The following TMEM131L variants were observed in gnomAD, a reference collection of about 807,000 sequenced individuals.
The protein encoded by TMEM131L is transmembrane 131 like.
TMEM131L carries 54 observed loss-of-function variants against 192.2 expected under a neutral mutation model. The ratio of observed to expected loss-of-function variants is 0.28; its 90% CI spans 0.23 to 0.35. TMEM131L has a LOEUF of 0.35. Among genes scored for constraint, TMEM131L ranks in the 10% least tolerant of loss-of-function variants. The pLI, the probability that TMEM131L is intolerant of heterozygous loss-of-function variation, is 1.00. For missense variants in TMEM131L, 1,888 were observed against 1,972.9 expected (o/e 0.96, Z 0.82); for synonymous variants, 701 against 704.9 (o/e 0.99, Z 0.09).
At chr4:153,505,910 G>A (rs1379434180) in intron 3 of TMEM131L, among the ~76,000 whole-genome samples, 1 of 152,054 alleles carries the variant, frequency 6.6e-6, no homozygotes, top group Non-Finnish European at 1.5e-5. Flanking sequence ...CCTGGCCAGA[G>A]CAGGGGGCTT....
intron 3 of TMEM131L, among the ~76,000 whole-genome samples, chr4:153,495,332 A>G (rs1179594410): frequency 6.6e-6 from 1 of 152,146 alleles, no homozygotes; most frequent in African/African-American, 2.4e-5. Context: ...AACAAAAAAA[A>G]AAAACAAGTA....
Position 153,620,784 on chromosome 4 carries a change from T to C in TMEM131L, c.3596T>C (p.Leu1199Pro). 6.4e-7 allele frequency: 1 copy of C among 1,564,690 alleles called. No individual in the cohort carries two copies. Among genetic ancestry groups the C allele is most frequent in the South Asian group, 1.2e-5 (1 of 86,426 alleles). ...EQEDPYRKKK[L>P]QEKREGNLQN... ...GAAGATCCTTATAGGAAGAAAAAGC[T>C]TCAGGAGAAAAGAGAAGGAAATTTA... Residue 1199 changes from leucine to proline, a missense_variant, in exon 27 of 35, where the codon CTT becomes CCT. By Grantham distance (98) the Leu-to-Pro change is moderately conservative. Transcript: ENST00000409959.
chr4:153,526,217 A>C (rs1446594538), intron 3 of TMEM131L, among the ~76,000 whole-genome samples: 2 of 152,190 alleles, frequency 1.3e-5, no homozygotes, highest in African/African-American at 4.8e-5. Context: ...TGTGGATCAT[A>C]GTTTGAGTAG....
At chr4:153,539,492 ATTTTTTTTTTTTT>A (rs750436196) in intron 3 of TMEM131L, among the ~76,000 whole-genome samples, 8 of 110,822 alleles carry the variant, frequency 7.2e-5, no homozygotes, top group African/African-American at 2.7e-4. Flanking sequence ...CAGAGGCTAG[ATTTTTTTTTTTTT>A]TTTTTTTTTT....
intron 7 of TMEM131L, among the ~76,000 whole-genome samples, chr4:153,579,005 C>T (rs1730157609): frequency 6.6e-6 from 1 of 151,870 alleles, no homozygotes; most frequent in Non-Finnish European, 1.5e-5. Context: ...AATTAAAAAT[C>T]AGTTTCAGAA....
chr4:153,543,610 T>C (rs1175870547), intron 3 of TMEM131L, among the ~76,000 whole-genome samples: 1 of 152,172 alleles, frequency 6.6e-6, no homozygotes. Context: ...CTGGGACTTT[T>C]TATATCTGTG....
chr4:153,588,041 G>GTT (rs60174380), intron 15 of TMEM131L, among the ~76,000 whole-genome samples: 15 of 122,162 alleles, frequency 1.2e-4, no homozygotes, highest in Non-Finnish European at 2.1e-4. Context: ...TTCCGCAAGG[G>GTT]TTTTTTTTTT....
chr4:153,561,163 A>G (rs748472544), intron 7 of TMEM131L, among the ~76,000 whole-genome samples: 16 of 152,166 alleles, frequency 1.1e-4, no homozygotes, highest in Non-Finnish European at 1.6e-4. Context: ...TCATGTGCTC[A>G]GTGGCCATTT....
intron 26 of TMEM131L, among the ~76,000 whole-genome samples, chr4:153,619,108 G>A (rs567489255): frequency 4.2e-4 from 64 of 152,282 alleles, no homozygotes; most frequent in Non-Finnish European, 6.9e-4. Context: ...CGCTTGCACA[G>A]GATGACAGTT....
At chr4:153,509,888 G>A (rs929579499) in intron 3 of TMEM131L, among the ~76,000 whole-genome samples, 1 of 152,238 alleles carries the variant, frequency 6.6e-6, no homozygotes, top group South Asian at 2.1e-4. Context: ...TCGCTGCGTC[G>A]GGATTGCTTT....
chr4:153,616,596 CT>C (rs1247401361), intron 26 of TMEM131L, among the ~76,000 whole-genome samples: 1 of 152,096 alleles, frequency 6.6e-6, no homozygotes, highest in African/African-American at 2.4e-5. Flanking sequence ...TTTAAGCAGA[CT>C]TTTTTCCCTT....
intron 3 of TMEM131L, among the ~76,000 whole-genome samples, chr4:153,523,471 C>T (rs1735257650): frequency 6.6e-6 from 1 of 152,106 alleles, no homozygotes; most frequent in African/African-American, 2.4e-5. Flanking sequence ...GGAAATAGCA[C>T]TACATTGTTT....
intron 7 of TMEM131L, among the ~76,000 whole-genome samples, chr4:153,559,565 C>A (rs188665039): frequency 6.6e-6 from 1 of 152,246 alleles, no homozygotes; most frequent in Admixed American, 6.5e-5. Flanking sequence ...GAAACTGACT[C>A]TGCAGGCCTC....
At chr4:153,579,949 GC>G (rs1318678530) in intron 7 of TMEM131L, among the ~76,000 whole-genome samples, 1 of 152,176 alleles carries the variant, frequency 6.6e-6, no homozygotes, top group Non-Finnish European at 1.5e-5. Flanking sequence ...TATTAAGCCA[GC>G]CTAGGCTTTG....
rs563846638 is a variant in TMEM131L, at chr4:153,605,686, G to A, written c.3418+1256G>A. 1.3e-4 allele frequency among the ~76,000 whole-genome samples: 20 copies of A among 152,262 alleles called. No individual in the cohort carries two copies. In the South Asian group the frequency reaches 3.9e-3, roughly 30 times the overall value. On this transcript the variant is annotated intron_variant, in intron 25 of 34. Coordinates refer to ENST00000409959, the MANE Select transcript of TMEM131L (RefSeq NM_001131007.2). ...CAGATTTTTGACAATTTTTAATCTG[G>A]AAAACTCAGTCACCTTTTGTCTTAT...
At chr4:153,485,232 A>T (rs1004355889) in intron 3 of TMEM131L, among the ~76,000 whole-genome samples, 1 of 151,538 alleles carries the variant, frequency 6.6e-6, no homozygotes, top group African/African-American at 2.4e-5. Context: ...TTTATGTTTC[A>T]GGAAGGTGGC....
chr4:153,531,388 C>CA (rs1485150507), intron 3 of TMEM131L, among the ~76,000 whole-genome samples: 24 of 152,234 alleles, frequency 1.6e-4, no homozygotes, highest in African/African-American at 5.8e-4. Context: ...AGGAGCTACA[C>CA]ATTTTTAAAG....
intron 3 of TMEM131L, among the ~76,000 whole-genome samples, chr4:153,478,514 A>G (rs1341709159): frequency 6.6e-6 from 1 of 152,240 alleles, no homozygotes; most frequent in South Asian, 2.1e-4. Context: ...TTACTGTGGT[A>G]CATTTGTCAC....
intron 17 of TMEM131L, 112 bp downstream of exon 17, chr4:153,591,306 C>A: frequency 9.9e-7 from 1 of 1,014,014 alleles, no homozygotes; most frequent in Non-Finnish European, 1.4e-6. Flanking sequence ...AAAATTAAGG[C>A]GATGTCAAAA....
Sources: gnomAD v4.1 joint callset for allele counts (sites outside exome capture counted in the v4.1 genomes callset) on GRCh38, gnomAD v4.1.1 for gene constraint, MANE v1.5 for transcripts, NCBI Gene and HGNC (gene_info 2026-07-23, HGNC 2026-07-21) for gene names.